Variants in PCNT observed in about 807,000 individuals in gnomAD.
PCNT encodes kendrin.
PCNT carries 319 observed loss-of-function variants against 380.4 expected under a neutral mutation model. The ratio of observed to expected loss-of-function variants is 0.84; its 90% CI spans 0.77 to 0.92. The LOEUF (loss-of-function observed/expected upper bound fraction) is 0.92. Among genes scored for constraint, PCNT ranks in the 40% least tolerant of loss-of-function variants. The pLI is 0.00. For missense variants in PCNT, 4,400 were observed against 4,255.3 expected, an observed-to-expected ratio of 1.03 and a Z score of -0.95; for synonymous variants, 1,845 against 1,735.2, an observed-to-expected ratio of 1.06 and a Z score of -1.57.
intron 44 of PCNT, chr21:46,442,995 C>T (rs957836473): frequency 1.1e-5 from 3 of 271,666 alleles, no homozygotes; most frequent in Non-Finnish European, 2.2e-5. Context: ...GAGAGCACAG[C>T]TGGCTGCACT....
chr21:46,370,550 G>T (rs1358802781), intron 15 of PCNT, among the ~76,000 whole-genome samples: 1 of 152,160 alleles, frequency 6.6e-6, no homozygotes, highest in Non-Finnish European at 1.5e-5. Flanking sequence ...GGTCATCCCA[G>T]GTTGGACTGG....
At chr21:46,373,723 C>G (rs1373895239) in intron 15 of PCNT, among the ~76,000 whole-genome samples, 1 of 137,044 alleles carries the variant, frequency 7.3e-6, no homozygotes, top group African/African-American at 2.8e-5. Context: ...CCGCGCCCAG[C>G]CTTAGCTTTT....
chr21:46,399,705 TGGA>T lies in PCNT; in HGVS notation c.4705_4707del (p.Glu1569del), dbSNP rs1344348112. ...ATGCAGGAAGAAGAAATTAAACGTC[TGGA>T]GGAGATGAACATCAACATCAGGAAA... On this transcript the variant is annotated inframe_deletion, in exon 25 of 47. Coordinates refer to ENST00000359568, the MANE Select transcript of PCNT (RefSeq NM_006031.6). 5.0e-6 allele frequency: 8 copies of T among 1,613,872 alleles called. No individual in the cohort carries two copies. The highest frequency in any genetic ancestry group is 5.9e-6 in the Non-Finnish European group (7 of 1,179,862).
At chr21:46,344,283 C>G (rs994876178) in intron 3 of PCNT, among the ~76,000 whole-genome samples, 1 of 152,024 alleles carries the variant, frequency 6.6e-6, no homozygotes, top group African/African-American at 2.4e-5. Context: ...ACCATGTTGG[C>G]CAGGATGTTC....
intron 27 of PCNT, among the ~76,000 whole-genome samples, chr21:46,407,116 G>A (rs995139454): frequency 6.6e-6 from 1 of 152,144 alleles, no homozygotes; most frequent in Non-Finnish European, 1.5e-5. Context: ...TCTGAAAGAG[G>A]TTATTTAACA....
rs758987676 is a variant in PCNT, at chr21:46,346,126, A to C, written c.640-2A>C. 3.1e-6 allele frequency: 5 copies of C among 1,613,968 alleles called. No individual in the cohort carries two copies. Among genetic ancestry groups the C allele is most frequent in the Non-Finnish European group, 4.2e-6 (5 of 1,179,886 alleles). ...CCTACATTCTTTGCCTTTTTTCCCC[A>C]GGAGTGTGAACAAGAATGTGAACTT... On this transcript the variant is annotated splice_acceptor_variant, in intron 3 of 46. Coordinates refer to ENST00000359568, the MANE Select transcript of PCNT (RefSeq NM_006031.6). LOFTEE classifies it high-confidence loss of function.
At chr21:46,339,260 A>G (rs1311380881) in intron 3 of PCNT, among the ~76,000 whole-genome samples, 1 of 152,148 alleles carries the variant, frequency 6.6e-6, no homozygotes, top group African/African-American at 2.4e-5. Context: ...GTAGACATAT[A>G]GTTGGCAGTT....
chr21:46,403,721 C>T (rs551201136), intron 27 of PCNT, among the ~76,000 whole-genome samples: 4 of 134,090 alleles, frequency 3.0e-5, no homozygotes, highest in South Asian at 2.4e-4. Context: ...ATGAACACAG[C>T]GTGGGAGAAT....
intron 38 of PCNT, among the ~76,000 whole-genome samples, chr21:46,433,210 C>T (rs1355494556): frequency 1.3e-5 from 2 of 152,054 alleles, no homozygotes; most frequent in African/African-American, 2.4e-5. Context: ...GGCGAAAGCC[C>T]ATTTCTACTA....
In PCNT at chr21:46,357,192, G is replaced by T. The variant is rs1569192539; in HGVS notation, c.2154+1G>T. ...TCGTCTGAAGGACGATTTGGAGAAGGTGAGTCGTGACTCCACAGCCCAGCG... is the reference window on the plus strand; with the variant it reads ...TCGTCTGAAGGACGATTTGGAGAAGTTGAGTCGTGACTCCACAGCCCAGCG... On this transcript the variant is annotated splice_donor_variant, in intron 13 of 46. Coordinates refer to ENST00000359568, the MANE Select transcript of PCNT (RefSeq NM_006031.6). LOFTEE classifies it high-confidence loss of function. 1 of 1,603,070 alleles carries T rather than the reference G, an allele frequency of 6.2e-7. No individual in the cohort carries two copies. Among genetic ancestry groups the T allele is most frequent in the Non-Finnish European group, 8.5e-7 (1 of 1,169,812 alleles).
At chr21:46,341,184 G>GC (rs1175342271) in intron 3 of PCNT, among the ~76,000 whole-genome samples, 1 of 152,144 alleles carries the variant, frequency 6.6e-6, no homozygotes, top group Non-Finnish European at 1.5e-5. Context: ...CGCCTGGCCA[G>GC]CCCATCCACT....
At chr21:46,359,491 GTTTTTTTT>G (rs1219693835) in intron 13 of PCNT, among the ~76,000 whole-genome samples, 1 of 66,048 alleles carries the variant, frequency 1.5e-5, no homozygotes, top group South Asian at 4.6e-4. Flanking sequence ...TTTTTTTTTT[GTTTTTTTT>G]TTTTTTTTGA....
intron 2 of PCNT, among the ~76,000 whole-genome samples, chr21:46,331,970 G>C (rs967978683): frequency 5.9e-5 from 9 of 152,162 alleles, no homozygotes; most frequent in African/African-American, 1.9e-4. Context: ...GACCAGCCTG[G>C]CCAACGTGGT....
chr21:46,383,257 GAT>G (rs2085656098), intron 16 of PCNT, among the ~76,000 whole-genome samples: 1 of 146,948 alleles, frequency 6.8e-6, no homozygotes, highest in African/African-American at 2.5e-5. Context: ...TATATTCAGT[GAT>G]GGAAGCGCAT....
chr21:46,385,218 TG>T (rs2085789586), intron 16 of PCNT, among the ~76,000 whole-genome samples: 1 of 152,154 alleles, frequency 6.6e-6, no homozygotes, highest in Non-Finnish European at 1.5e-5. Flanking sequence ...TAGCCGTGTG[TG>T]GTGGCACGCA....
chr21:46,329,096 T>G (rs2146281628), intron 2 of PCNT, among the ~76,000 whole-genome samples: 1 of 152,342 alleles, frequency 6.6e-6, no homozygotes, highest in South Asian at 2.1e-4. Context: ...TTAAAAGTAG[T>G]AAGCTGATAA....
chr21:46,353,658 CA>C (rs2146662025), intron 10 of PCNT, among the ~76,000 whole-genome samples: 1 of 150,736 alleles, frequency 6.6e-6, no homozygotes, highest in Admixed American at 6.6e-5. Context: ...GTGTTGGTGG[CA>C]GGGGCGCTCT....
rs1186425516 is a variant in PCNT at position 46,429,290 on chromosome 21, C to T, written c.7690+700C>T. ...TGCAAGCGCTTGTCAGGGGCATGGGCGGGGGGTGCCGGCGCTGTGCGAGCG... is the reference window on the plus strand; with the variant it reads ...TGCAAGCGCTTGTCAGGGGCATGGGTGGGGGGTGCCGGCGCTGTGCGAGCG... On this transcript the variant is annotated intron_variant, in intron 35 of 46. Coordinates refer to ENST00000359568, the MANE Select transcript of PCNT (RefSeq NM_006031.6). Among the ~76,000 whole-genome samples the T allele has an allele frequency of 2.0e-4, 13 of 64,810 alleles. No homozygotes were observed. In the East Asian group the frequency reaches 2.0e-3, roughly 10 times the overall value. The allele number at this position is 64,810 out of a possible 152,430, so 42.5% of individuals were successfully genotyped here.
At position 46,443,659 on chromosome 21, in the gene PCNT, G is replaced by T. The variant is rs376896367; in HGVS notation, c.9701-151G>T. 17 of 783,258 alleles carry T rather than the reference G, an allele frequency of 2.2e-5. No individual in the cohort carries two copies. In the East Asian group the frequency reaches 3.4e-4, roughly 16 times the overall value. 48.5% of individuals were successfully genotyped at this position (783,258 alleles called of 1,614,324 possible). On this transcript the variant is annotated intron_variant, in intron 44 of 46. Coordinates refer to ENST00000359568, the MANE Select transcript of PCNT (RefSeq NM_006031.6). Reference sequence around the variant, plus strand: ...AGGTTTCTTCCAAAGCTTTTAAAAAGATATTGTACCTTGAGCACTTTAAAA... The same window carrying T: ...AGGTTTCTTCCAAAGCTTTTAAAAATATATTGTACCTTGAGCACTTTAAAA...
Sources: allele counts gnomAD v4.1 joint callset (sites outside exome capture counted in the v4.1 genomes callset), GRCh38; gene constraint gnomAD v4.1.1; transcripts MANE v1.5; gene names NCBI Gene and HGNC (gene_info 2026-07-23, HGNC 2026-07-21).